SEMA6A: variants seen among roughly 807,000 people sequenced by gnomAD.
The protein encoded by SEMA6A is semaphorin 6A, also known as semaphorin-6A.
A neutral mutation model predicts 96.8 loss-of-function variants in SEMA6A; 25 were observed. The ratio of observed to expected loss-of-function variants is 0.26; its 90% CI spans 0.19 to 0.36. SEMA6A has a LOEUF of 0.36. SEMA6A is among the 10% of genes least tolerant of loss of function. The pLI is 1.00. For synonymous variants in SEMA6A, 612 were observed against 518.0 expected, an observed-to-expected ratio of 1.18 and a Z score of -2.46; for missense variants, 1,363 against 1,323.1, an observed-to-expected ratio of 1.03 and a Z score of -0.47.
intron 1 of SEMA6A, among the ~76,000 whole-genome samples, chr5:116,565,379 C>A (rs138409789): frequency 1.3e-5 from 2 of 152,204 alleles, no homozygotes; most frequent in South Asian, 2.1e-4. Flanking sequence ...ATGTGAGGCA[C>A]TGAAACTATG....
intron 3 of SEMA6A, among the ~76,000 whole-genome samples, chr5:116,499,590 G>A (rs1757775884): frequency 6.6e-6 from 1 of 152,172 alleles, no homozygotes; most frequent in South Asian, 2.1e-4. Context: ...CCTAAATATG[G>A]TGGGCATGGA....
chr5:116,493,915 A>T (rs1205254228), intron 6 of SEMA6A, among the ~76,000 whole-genome samples: 1 of 152,034 alleles, frequency 6.6e-6, no homozygotes, highest in Non-Finnish European at 1.5e-5. Flanking sequence ...TGGCATTCTC[A>T]TACTGTGCAA....
At chr5:116,488,811 C>T in intron 8 of SEMA6A, 77 bp downstream of exon 8, 3 of 1,414,620 alleles carry the variant, frequency 2.1e-6, no homozygotes, top group Non-Finnish European at 2.8e-6. Flanking sequence ...ACAGTCTGGT[C>T]CCTCCAGACT....
At chr5:116,483,934 G>T (rs376567452) in intron 10 of SEMA6A, among the ~76,000 whole-genome samples, 15 of 151,958 alleles carry the variant, frequency 9.9e-5, no homozygotes, top group African/African-American at 3.6e-4. Flanking sequence ...CATGATGGTG[G>T]GCACCTGTAA....
intron 1 of SEMA6A, among the ~76,000 whole-genome samples, chr5:116,550,914 C>T (rs970679867): frequency 6.6e-6 from 1 of 152,148 alleles, no homozygotes; most frequent in African/African-American, 2.4e-5. Flanking sequence ...CAACCCAGTA[C>T]CTCAAGCAGC....
chr5:116,522,693 A>G (rs1029472959), intron 1 of SEMA6A, among the ~76,000 whole-genome samples: 9 of 152,366 alleles, frequency 5.9e-5, no homozygotes, highest in East Asian at 1.9e-4. Flanking sequence ...TTTATGCTCC[A>G]TAAGTGGGAT....
intron 1 of SEMA6A, among the ~76,000 whole-genome samples, chr5:116,513,623 C>A (rs1269125354): frequency 2.0e-5 from 3 of 148,492 alleles, no homozygotes; most frequent in Admixed American, 6.7e-5. Context: ...TTTTAATTTC[C>A]AACTTTTATT....
At chr5:116,508,553 C>G (rs937312458) in intron 1 of SEMA6A, among the ~76,000 whole-genome samples, 1 of 152,174 alleles carries the variant, frequency 6.6e-6, no homozygotes, top group African/African-American at 2.4e-5. Flanking sequence ...AAATCCTGCC[C>G]TGGAAAATTC....
At chr5:116,478,185 A>G in intron 13 of SEMA6A, 31 bp from the exon 14 acceptor site, 1 of 1,609,250 alleles carries the variant, frequency 6.2e-7, no homozygotes, top group Non-Finnish European at 8.5e-7. Flanking sequence ...AATATCATTA[A>G]TAGACTCTTC....
At chr5:116,543,085 T>C (rs1760043175) in intron 1 of SEMA6A, among the ~76,000 whole-genome samples, 1 of 152,238 alleles carries the variant, frequency 6.6e-6, no homozygotes, top group Admixed American at 6.5e-5. Flanking sequence ...CTTTTCTCTT[T>C]CAAGAAGATG....
rs769290591 is a variant in SEMA6A at position 116,478,659 on chromosome 5, A to G, written c.1310T>C (p.Val437Ala). 1.2e-6 allele frequency: 2 copies of G among 1,613,772 alleles called. No individual in the cohort carries two copies. Among genetic ancestry groups the G allele is most frequent in the Non-Finnish European group, 8.5e-7 (1 of 1,179,818 alleles). The change falls in exon 13 of 19, where the codon GTG (valine) becomes GCG (alanine). Residue 437 changes from valine to alanine, a missense_variant. Coordinates refer to ENST00000343348, the MANE Select transcript of SEMA6A (RefSeq NM_020796.5). Reference protein sequence around the residue: ...TAAGPYQNHTVVFLGSEKGII... With the variant: ...TAAGPYQNHTAVFLGSEKGII... ...TCCCTTCTCTGATCCCAGAAAAACC[A>G]CAGTGTGATTCTGATATGGCCCAGC...
At chr5:116,551,633 G>A (rs73780375) in intron 1 of SEMA6A, among the ~76,000 whole-genome samples, 1 of 152,006 alleles carries the variant, frequency 6.6e-6, no homozygotes, top group Non-Finnish European at 1.5e-5. Context: ...CCCAGGCACT[G>A]GCTTCTCTGC....
intron 1 of SEMA6A, among the ~76,000 whole-genome samples, chr5:116,554,386 G>A (rs1351508805): frequency 6.6e-6 from 1 of 152,064 alleles, no homozygotes; most frequent in Non-Finnish European, 1.5e-5. Flanking sequence ...TGATTTATGG[G>A]GCATAGTCAA....
intron 3 of SEMA6A, among the ~76,000 whole-genome samples, chr5:116,500,532 G>A (rs1296603031): frequency 1.3e-5 from 2 of 152,176 alleles, no homozygotes; most frequent in African/African-American, 4.8e-5. Context: ...AAAACTTTAG[G>A]AAAGTATTTG....
intron 18 of SEMA6A, among the ~76,000 whole-genome samples, chr5:116,451,005 CAGACTTGTCAGTAGTGGTGATAA>C (rs1436078949): frequency 6.6e-6 from 1 of 152,124 alleles, no homozygotes; most frequent in East Asian, 1.9e-4. Context: ...TTGGAAACAG[CAGACTTGTCAGTAGTGGTGATAA>C]AAGCAGCTAG....
intron 13 of SEMA6A, 39 bp from the exon 14 acceptor site, chr5:116,478,193 T>C (rs1238831315): frequency 1.9e-6 from 3 of 1,598,664 alleles, no homozygotes; most frequent in Admixed American, 3.5e-5. Flanking sequence ...TAATAGACTC[T>C]TCTCTTTTTC....
At chr5:116,555,529 G>A (rs916717567) in intron 1 of SEMA6A, among the ~76,000 whole-genome samples, 2 of 152,084 alleles carry the variant, frequency 1.3e-5, no homozygotes, top group African/African-American at 2.4e-5. Flanking sequence ...TCTATACATT[G>A]GTTTTGAGTC....
chr5:116,535,177 A>G (rs528190997), intron 1 of SEMA6A, among the ~76,000 whole-genome samples: 2 of 152,206 alleles, frequency 1.3e-5, no homozygotes, highest in Non-Finnish European at 2.9e-5. Flanking sequence ...CACAGCACAA[A>G]AGCCTGGAAG....
At chr5:116,499,912 T>C (rs1394573468) in intron 3 of SEMA6A, among the ~76,000 whole-genome samples, 1 of 152,164 alleles carries the variant, frequency 6.6e-6, no homozygotes. Flanking sequence ...TGCTAAATCA[T>C]CGAGTACAAG....
Sources: gnomAD v4.1 joint callset for allele counts (sites outside exome capture counted in the v4.1 genomes callset) on GRCh38, gnomAD v4.1.1 for gene constraint, MANE v1.5 for transcripts, NCBI Gene and HGNC (gene_info 2026-07-23, HGNC 2026-07-21) for gene names.